The following PDILT variants were observed in gnomAD, a reference collection of about 807,000 sequenced individuals.
The protein encoded by PDILT is protein disulfide isomerase like, testis expressed.
In PDILT, 43 loss-of-function variants were observed where a neutral mutation model predicts 53.7. The observed-to-expected ratio is 0.80, with a 90% CI of 0.63 to 1.03. The LOEUF (loss-of-function observed/expected upper bound fraction) is 1.03. Ranked by LOEUF, PDILT falls within the 50% of genes least tolerant of loss-of-function variation. The pLI is 0.00. For synonymous variants in PDILT, 282 were observed against 274.2 expected, an observed-to-expected ratio of 1.03 and a Z score of -0.28; for missense variants, 727 against 712.3, an observed-to-expected ratio of 1.02 and a Z score of -0.24.
chr16:20,369,535 CT>C lies in PDILT; in HGVS notation c.1072del (p.Ser358AlafsTer10). 6.2e-7 allele frequency: 1 copy of C among 1,614,190 alleles called. No homozygotes were observed. The highest frequency in any genetic ancestry group is 8.5e-7 in the Non-Finnish European group (1 of 1,180,042). On this transcript the variant is annotated frameshift_variant, in exon 8 of 12. Transcript: ENST00000302451. LOFTEE classifies it high-confidence loss of function. ...GAAGCTGCGGCCAAATTTCTTGAGG[CT>C]TTCGTAGGTTATGTCATCTGAAGGC... ...KMPSDDITYE[S>X]LKKFGRSFLS...
intron 9 of PDILT, 68 bp from the exon 10 acceptor site, chr16:20,362,650 C>T (rs1966123404): frequency 1.3e-6 from 2 of 1,497,648 alleles, no homozygotes; most frequent in Non-Finnish European, 1.8e-6. Context: ...CCACCCTACA[C>T]ATGGCATCGC....
rs1157667793 is a variant in PDILT, at chr16:20,366,042, A to T, written c.1117-502T>A. 4.1e-5 allele frequency among the ~76,000 whole-genome samples: 6 copies of T among 147,934 alleles called. No homozygotes were observed. The East Asian group carries it at 1.2e-3, about 30-fold the overall frequency. Reference sequence around the variant, plus strand: ...GAGGCAGAGGTTGCAGTGAGCAGAGATTGCGCTACTGCACACCAGGCTGGT... The same window carrying T: ...GAGGCAGAGGTTGCAGTGAGCAGAGTTTGCGCTACTGCACACCAGGCTGGT... On this transcript the variant is annotated intron_variant, in intron 8 of 11. Coordinates refer to ENST00000302451, the MANE Select transcript of PDILT (RefSeq NM_174924.2).
chr16:20,391,900 ATGGAAGC>A (rs1320945479), intron 2 of PDILT, among the ~76,000 whole-genome samples: 2 of 151,654 alleles, frequency 1.3e-5, no homozygotes, highest in East Asian at 4.0e-4. Flanking sequence ...GAAGGATACT[ATGGAAGC>A]TGCAAGTGCA....
At chr16:20,384,952 G>T in intron 2 of PDILT, 101 bp from the exon 3 acceptor site, 1 of 1,114,236 alleles carries the variant, frequency 9.0e-7, no homozygotes, top group Admixed American at 1.8e-5. Context: ...AACCTTTCTT[G>T]TGCTCAGCGG....
At chr16:20,396,431 A>T (rs2141621273) in intron 2 of PDILT, among the ~76,000 whole-genome samples, 1 of 152,352 alleles carries the variant, frequency 6.6e-6, no homozygotes, top group African/African-American at 2.4e-5. Flanking sequence ...ATCAACAACC[A>T]TAAATTTCAA....
At chr16:20,372,556 G>T (rs906946410) in intron 7 of PDILT, among the ~76,000 whole-genome samples, 1 of 152,204 alleles carries the variant, frequency 6.6e-6, no homozygotes, top group Admixed American at 6.5e-5. Context: ...TTACAAAGAA[G>T]AGTGAAGAAG....
chr16:20,364,691 G>A (rs1402971896), intron 9 of PDILT, among the ~76,000 whole-genome samples: 2 of 152,162 alleles, frequency 1.3e-5, no homozygotes, highest in Non-Finnish European at 2.9e-5. Context: ...TGTCTCCCAC[G>A]TGCAAATCAG....
At chr16:20,395,837 T>C (rs769635305) in intron 2 of PDILT, among the ~76,000 whole-genome samples, 1 of 152,164 alleles carries the variant, frequency 6.6e-6, no homozygotes, top group Non-Finnish European at 1.5e-5. Context: ...TCACACATGA[T>C]TGCTGCACAC....
Position 20,367,083 on chromosome 16 carries a change from CTTTCT to C in PDILT, c.1117-1548_1117-1544del, listed in dbSNP as rs1567320911. Reference sequence around the variant, plus strand: ...TCTTTCTTTCTTTCTTTCTTTCTTTCTTTCTTTCTTTCTTTCTTTCTTCCTTTCTT... The same window carrying C: ...TCTTTCTTTCTTTCTTTCTTTCTTTCTTCTTTCTTTCTTTCTTCCTTTCTT... On this transcript the variant is annotated intron_variant, in intron 8 of 11. Transcript: ENST00000302451. 8.1e-4 allele frequency among the ~76,000 whole-genome samples: 94 copies of C among 115,744 alleles called. 1 individual carries two copies. The highest frequency in any genetic ancestry group is 8.5e-3 in the Middle Eastern group (2 of 234). 75.9% of individuals were successfully genotyped at this position (115,744 alleles called of 152,430 possible).
chr16:20,363,162 T>C (rs1344978185), intron 9 of PDILT, among the ~76,000 whole-genome samples: 1 of 151,432 alleles, frequency 6.6e-6, no homozygotes, highest in Non-Finnish European at 1.5e-5. Context: ...ACCTAAATAC[T>C]AACACTTTTA....
intron 2 of PDILT, among the ~76,000 whole-genome samples, chr16:20,391,318 A>G (rs1373710030): frequency 3.3e-5 from 5 of 151,530 alleles, no homozygotes; most frequent in African/African-American, 1.2e-4. Context: ...CATCACCACT[A>G]TAATTAATAA....
chr16:20,403,940 A>T (rs1966780278), intron 1 of PDILT, among the ~76,000 whole-genome samples: 1 of 151,902 alleles, frequency 6.6e-6, no homozygotes, highest in Non-Finnish European at 1.5e-5. Context: ...CGCTCATCAG[A>T]AGGGTCTTCC....
At chr16:20,371,323 A>G (rs1338101112) in intron 7 of PDILT, among the ~76,000 whole-genome samples, 1 of 152,216 alleles carries the variant, frequency 6.6e-6, no homozygotes, top group Non-Finnish European at 1.5e-5. Context: ...GCAGAGAAGA[A>G]GCAAAAGTGG....
chr16:20,375,997 C>G lies in PDILT; in HGVS notation c.543+71G>C, dbSNP rs1966380129. 15 of 1,576,498 alleles carry G rather than the reference C, an allele frequency of 9.5e-6. No homozygotes were observed. In the South Asian group the frequency reaches 1.8e-4, roughly 18 times the overall value. On this transcript the variant is annotated intron_variant, in intron 4 of 11. Transcript: ENST00000302451. ...GGCAATCAAAACGGAAGAGTCTCCT[C>G]ACACCACCCCCTCCCAGACACAGCA...
chr16:20,374,175 AGG>A (rs148022705), intron 5 of PDILT, among the ~76,000 whole-genome samples: 3,224 of 151,980 alleles, frequency 0.021, 36 homozygotes, highest in Non-Finnish European at 0.034. Flanking sequence ...CCTAGGCATA[AGG>A]CTTCTTCCCT....
At chr16:20,362,284 T>C (rs538019267) in intron 10 of PDILT, 120 bp downstream of exon 10, 14 of 1,028,340 alleles carry the variant, frequency 1.4e-5, no homozygotes, top group Non-Finnish European at 2.0e-5. Flanking sequence ...GGATGGATAG[T>C]GGCTACAGCT....
intron 10 of PDILT, among the ~76,000 whole-genome samples, chr16:20,361,745 C>G (rs1243094946): frequency 6.6e-6 from 1 of 152,192 alleles, no homozygotes; most frequent in Non-Finnish European, 1.5e-5. Flanking sequence ...AGTCCCTCCT[C>G]TAACCTGATT....
intron 3 of PDILT, among the ~76,000 whole-genome samples, chr16:20,383,339 A>G (rs933199670): frequency 1.3e-5 from 2 of 152,036 alleles, no homozygotes; most frequent in African/African-American, 4.8e-5. Context: ...CAAACACATC[A>G]CAAAGGGCTC....
intron 7 of PDILT, among the ~76,000 whole-genome samples, chr16:20,371,838 A>G (rs1188286952): frequency 6.6e-6 from 1 of 152,198 alleles, no homozygotes; most frequent in Non-Finnish European, 1.5e-5. Flanking sequence ...TTGGAAAAAA[A>G]AAGACCCCCA....
Sources: allele counts gnomAD v4.1 joint callset (sites outside exome capture counted in the v4.1 genomes callset), GRCh38; gene constraint gnomAD v4.1.1; transcripts MANE v1.5; gene names NCBI Gene and HGNC (gene_info 2026-07-23, HGNC 2026-07-21).